Variants in CLEC16A observed in about 807,000 individuals in gnomAD.
CLEC16A encodes the protein protein CLEC16A.
A neutral mutation model predicts 109.5 loss-of-function variants in CLEC16A; 51 were observed. The ratio of observed to expected loss-of-function variants is 0.47; its 90% CI spans 0.37 to 0.59. The LOEUF is 0.59. Ranked by LOEUF, CLEC16A falls within the 20% of genes least tolerant of loss-of-function variation. The pLI is 0.00. For synonymous variants in CLEC16A, 673 were observed against 564.2 expected (o/e 1.19, Z -2.73); for missense variants, 1,339 against 1,394.0 (o/e 0.96, Z 0.63).
chr16:10,971,724 A>T (rs191108792), intron 5 of CLEC16A, among the ~76,000 whole-genome samples: 27 of 152,334 alleles, frequency 1.8e-4, no homozygotes, highest in African/African-American at 6.3e-4. Flanking sequence ...AGATGTTCTT[A>T]ATGCCCAAAA....
intron 11 of CLEC16A, among the ~76,000 whole-genome samples, chr16:11,016,940 G>A (rs886579988): frequency 6.6e-6 from 1 of 150,498 alleles, no homozygotes; most frequent in African/African-American, 2.4e-5. Context: ...TCAGATGGGA[G>A]GGAAGGGGGA....
chr16:11,085,377 T>C (rs919848416), intron 19 of CLEC16A, among the ~76,000 whole-genome samples: 1 of 152,226 alleles, frequency 6.6e-6, no homozygotes, highest in Non-Finnish European at 1.5e-5. Context: ...TCAGGTTGAG[T>C]GCCCGTGGAG....
rs1481739808 is a variant in CLEC16A at position 11,044,073 on chromosome 16, G to GTAAT, written c.1815+3_1815+6dup. On this transcript the variant is annotated splice_donor_variant, in intron 16 of 23. Coordinates refer to ENST00000409790, the MANE Select transcript of CLEC16A (RefSeq NM_015226.3). LOFTEE classifies it high-confidence loss of function. ...TCACCTTGTACGACATTTTTATAAGGTAATTGGCAGAGCACAGATGGACAG... is the reference window on the plus strand; with the variant it reads ...TCACCTTGTACGACATTTTTATAAGGTAATTAATTGGCAGAGCACAGATGGACAG... 2 of 1,606,482 alleles carry GTAAT rather than the reference G, an allele frequency of 1.2e-6. No homozygotes were observed. Among genetic ancestry groups the GTAAT allele is most frequent in the Non-Finnish European group, 1.7e-6 (2 of 1,175,352 alleles).
At chr16:11,004,180 G>A (rs767058236) in intron 11 of CLEC16A, among the ~76,000 whole-genome samples, 2 of 152,022 alleles carry the variant, frequency 1.3e-5, no homozygotes, top group Non-Finnish European at 2.9e-5. Context: ...CCTCCCTCTC[G>A]TTGAGATGCT....
chr16:11,073,477 C>T (rs774096384), intron 19 of CLEC16A, among the ~76,000 whole-genome samples: 7 of 152,190 alleles, frequency 4.6e-5, no homozygotes, highest in Non-Finnish European at 1.0e-4. Flanking sequence ...CCTTGCGCCA[C>T]GCTGCTTCAT....
At chr16:11,141,950 G>A (rs1235773077) in intron 22 of CLEC16A, among the ~76,000 whole-genome samples, 6 of 152,210 alleles carry the variant, frequency 3.9e-5, no homozygotes, top group Non-Finnish European at 7.3e-5. Flanking sequence ...GCAGTAGTGT[G>A]CTTTGCACTT....
chr16:11,030,668 G>A (rs532369149), intron 13 of CLEC16A, among the ~76,000 whole-genome samples: 9 of 152,166 alleles, frequency 5.9e-5, no homozygotes, highest in East Asian at 1.9e-4. Flanking sequence ...CTTTTAAGAC[G>A]GAGTCTCACT....
intron 22 of CLEC16A, among the ~76,000 whole-genome samples, chr16:11,153,578 G>T (rs939619123): frequency 6.7e-6 from 1 of 150,312 alleles, no homozygotes; most frequent in Admixed American, 6.7e-5. Flanking sequence ...TACTAGATAC[G>T]TTCCTTAAAA....
At chr16:11,177,371 C>T (rs1454282887) in intron 23 of CLEC16A, among the ~76,000 whole-genome samples, 4 of 152,180 alleles carry the variant, frequency 2.6e-5, no homozygotes, top group South Asian at 2.1e-4. Flanking sequence ...GAGGCCGAGG[C>T]GGGCGGATCA....
chr16:11,163,045 T>A (rs1005530092), intron 22 of CLEC16A, among the ~76,000 whole-genome samples: 2 of 152,228 alleles, frequency 1.3e-5, no homozygotes, highest in South Asian at 4.1e-4. Flanking sequence ...GATCTCTGGC[T>A]TGTCTGTGTG....
intron 19 of CLEC16A, among the ~76,000 whole-genome samples, chr16:11,112,067 T>G (rs143703833): frequency 2.6e-5 from 4 of 152,320 alleles, no homozygotes; most frequent in Non-Finnish European, 5.9e-5. Flanking sequence ...AACGCAGCTA[T>G]GAAAAATCAC....
chr16:10,948,775 G>A (rs937702409), intron 1 of CLEC16A, among the ~76,000 whole-genome samples: 6 of 152,200 alleles, frequency 3.9e-5, no homozygotes, highest in South Asian at 2.1e-4. Flanking sequence ...GTTTGGAGCC[G>A]TCAGAAATCG....
rs59518471 is a variant in CLEC16A, at chr16:11,049,478, T to TTTTGTTTGTTTG, written c.1867-2019_1867-2008dup. Among the ~76,000 whole-genome samples the TTTTGTTTGTTTG allele has an allele frequency of 1.1e-3, 171 of 151,044 alleles. 1 individual carries two copies. Among genetic ancestry groups the TTTTGTTTGTTTG allele is most frequent in the African/African-American group, 3.7e-3 (151 of 41,114 alleles). ...CCACCATGGGGAGCTTCCCAGGTTT[T>TTTTGTTTGTTTG]TTTGTTTGTTTGTTTGTTTGTTTGT... On this transcript the variant is annotated intron_variant, in intron 17 of 23. Transcript: ENST00000409790.
chr16:11,123,991 G>A (rs201701096), intron 21 of CLEC16A, 45 bp downstream of exon 21: 2 of 1,538,578 alleles, frequency 1.3e-6, no homozygotes, highest in East Asian at 2.4e-5. Flanking sequence ...GCACTTGGTG[G>A]GTCAGGGCTG....
intron 20 of CLEC16A, 69 bp from the exon 21 acceptor site, chr16:11,123,673 T>A: frequency 6.8e-7 from 1 of 1,467,742 alleles, no homozygotes; most frequent in Non-Finnish European, 9.5e-7. Flanking sequence ...TGCCTCATGA[T>A]GCCACAGCTC....
intron 7 of CLEC16A, among the ~76,000 whole-genome samples, chr16:10,975,510 G>A (rs752439209): frequency 6.6e-6 from 1 of 152,140 alleles, no homozygotes; most frequent in Non-Finnish European, 1.5e-5. Flanking sequence ...ATGTTCCAAA[G>A]TATCTTATTA....
At chr16:11,071,968 G>A (rs191029487) in intron 19 of CLEC16A, among the ~76,000 whole-genome samples, 2 of 152,122 alleles carry the variant, frequency 1.3e-5, no homozygotes, top group African/African-American at 4.8e-5. Flanking sequence ...AGTATGGGCT[G>A]AAGTGTGTAG....
intron 10 of CLEC16A, among the ~76,000 whole-genome samples, chr16:10,988,554 C>A (rs547285551): frequency 6.6e-6 from 1 of 152,198 alleles, no homozygotes; most frequent in African/African-American, 2.4e-5. Flanking sequence ...TCGTGACATT[C>A]TTGTAATGAC....
chr16:11,026,639 T>C (rs994698483), intron 13 of CLEC16A, among the ~76,000 whole-genome samples: 1 of 135,312 alleles, frequency 7.4e-6, no homozygotes, highest in African/African-American at 3.0e-5. Flanking sequence ...CTTATGTTTG[T>C]TTGGGGTTTT....
Sources: gnomAD v4.1 joint callset for allele counts (sites outside exome capture counted in the v4.1 genomes callset) on GRCh38, gnomAD v4.1.1 for gene constraint, MANE v1.5 for transcripts, NCBI Gene and HGNC (gene_info 2026-07-23, HGNC 2026-07-21) for gene names.